The following HTT-AS variants were observed in gnomAD, a reference collection of about 807,000 sequenced individuals.
HTT-AS encodes the protein HTT antisense RNA (head to head).
chr4:3,058,090 G>C (rs1480195430), intron 2 of HTT-AS, among the ~76,000 whole-genome samples: 2 of 151,856 alleles, frequency 1.3e-5, no homozygotes, highest in Non-Finnish European at 2.9e-5. Context: ...ACTTTGGGAG[G>C]CCAAGGCGGG....
intron 2 of HTT-AS, among the ~76,000 whole-genome samples, chr4:3,056,970 T>C (rs1711813744): frequency 6.6e-6 from 1 of 152,180 alleles, no homozygotes; most frequent in Admixed American, 6.5e-5. Context: ...TTTATGAATT[T>C]GACTACTCTA....
At chr4:3,062,845 CA>C (rs1182462940) in exon 2 of HTT-AS, among the ~76,000 whole-genome samples, 2 of 152,066 alleles carry the variant, frequency 1.3e-5, no homozygotes, top group South Asian at 4.2e-4. Flanking sequence ...ACTTGAGGGC[CA>C]AGCAGCATTG....
At chr4:3,053,916 T>A (rs575012252) in intron 2 of HTT-AS, among the ~76,000 whole-genome samples, 2 of 151,990 alleles carry the variant, frequency 1.3e-5, no homozygotes, top group Non-Finnish European at 1.5e-5. Context: ...TATGCCACCA[T>A]GCCCAGCTAA....
intron 2 of HTT-AS, among the ~76,000 whole-genome samples, chr4:3,057,729 G>C (rs1454793755): frequency 6.6e-6 from 1 of 151,890 alleles, no homozygotes; most frequent in African/African-American, 2.4e-5. Flanking sequence ...CGCCTCCCGG[G>C]TTCATGCCAT....
chr4:3,051,030 TTG>T (rs59615689), intron 2 of HTT-AS, among the ~76,000 whole-genome samples: 17,215 of 122,146 alleles, frequency 0.14, 985 homozygotes, highest in Middle Eastern at 0.2. Flanking sequence ...CCCTTACAAT[TTG>T]TGTGTGTGTG....
chr4:3,048,686 C>T (rs1013020576), downstream of HTT-AS, among the ~76,000 whole-genome samples: 12 of 152,160 alleles, frequency 7.9e-5, no homozygotes, highest in African/African-American at 2.9e-4. Flanking sequence ...TCTGTTTAGT[C>T]AATTCTATTA....
chr4:3,049,955 CTTT>C (rs59444704), intron 2 of HTT-AS, among the ~76,000 whole-genome samples: 5 of 130,322 alleles, frequency 3.8e-5, no homozygotes, highest in Non-Finnish European at 6.4e-5. Flanking sequence ...CACATATACA[CTTT>C]TTTTTTTTTG....
At chr4:3,059,527 C>G (rs977102088) in intron 2 of HTT-AS, among the ~76,000 whole-genome samples, 3 of 152,110 alleles carry the variant, frequency 2.0e-5, no homozygotes, top group Admixed American at 2.0e-4. Context: ...TTTCAGTATT[C>G]CAATATTTGG....
chr4:3,061,974 T>C (rs1711934383), intron 2 of HTT-AS, among the ~76,000 whole-genome samples: 1 of 114,808 alleles, frequency 8.7e-6, no homozygotes, highest in African/African-American at 3.5e-5. Flanking sequence ...AGGGCAAGAC[T>C]CTATCTCAAA....
Position 3,062,421 on chromosome 4 carries a change from CT to C in HTT-AS, n.1380+12del, listed in dbSNP as rs773572020. ...CTCATCCCCTGCACCCTCCCTTCCC[CT>C]GGAGTACTCACCTGGCCTTGGAGGT... is the stretch of plus-strand genomic sequence containing the variant. On this transcript the variant is annotated intron_variant and non_coding_transcript_variant, in intron 2 of 2. Transcript: ENST00000664062. Among the ~76,000 whole-genome samples the C allele has an allele frequency of 7.8e-4, 119 of 152,284 alleles. 2 individuals are homozygous for C. Among genetic ancestry groups the C allele is most frequent in the Non-Finnish European group, 2.1e-4 (14 of 68,014 alleles).
intron 2 of HTT-AS, among the ~76,000 whole-genome samples, chr4:3,052,079 A>T (rs1711713600): frequency 6.6e-6 from 1 of 151,354 alleles, no homozygotes; most frequent in Admixed American, 6.6e-5. Context: ...ACTACTCTAG[A>T]CTCTTTCTGG....
At chr4:3,067,172 A>G (rs1247020508) in intron 1 of HTT-AS, among the ~76,000 whole-genome samples, 1 of 152,212 alleles carries the variant, frequency 6.6e-6, no homozygotes, top group Non-Finnish European at 1.5e-5. Flanking sequence ...AAGTCAGATG[A>G]CACTACCCAG....
At chr4:3,056,682 A>T (rs1263293618) in intron 2 of HTT-AS, among the ~76,000 whole-genome samples, 2 of 152,178 alleles carry the variant, frequency 1.3e-5, no homozygotes, top group African/African-American at 4.8e-5. Flanking sequence ...TTTCACCAAA[A>T]ATCAGGTTTT....
At chr4:3,059,617 T>G (rs1231360808) in intron 2 of HTT-AS, among the ~76,000 whole-genome samples, 1 of 151,946 alleles carries the variant, frequency 6.6e-6, no homozygotes, top group African/African-American at 2.4e-5. Flanking sequence ...TGAGACAGAG[T>G]CTCGCTCCGT....
At chr4:3,065,245 C>CT (rs547699007) in intron 1 of HTT-AS, among the ~76,000 whole-genome samples, 148 of 137,990 alleles carry the variant, frequency 1.1e-3, no homozygotes, top group Middle Eastern at 3.7e-3. Context: ...TTTCTTTCTT[C>CT]TTTTTTTTTT....
chr4:3,069,452 G>A (rs780500307), intron 1 of HTT-AS, among the ~76,000 whole-genome samples: 29 of 151,838 alleles, frequency 1.9e-4, no homozygotes, highest in Non-Finnish European at 2.4e-4. Flanking sequence ...CATCGCGCCC[G>A]GCCAACAGTG....
intron 1 of HTT-AS, among the ~76,000 whole-genome samples, chr4:3,065,312 C>T (rs552623111): frequency 6.6e-6 from 1 of 151,684 alleles, no homozygotes; most frequent in South Asian, 2.1e-4. Context: ...AATGTTGGCT[C>T]ACTGCACGCC....
chr4:3,067,205 G>C (rs1301757492), intron 1 of HTT-AS, among the ~76,000 whole-genome samples: 1 of 152,178 alleles, frequency 6.6e-6, no homozygotes, highest in Non-Finnish European at 1.5e-5. Context: ...AGAGGCCAAG[G>C]AATGGAAAAT....
intron 2 of HTT-AS, among the ~76,000 whole-genome samples, chr4:3,053,820 G>A (rs546460783): frequency 4.0e-4 from 59 of 149,202 alleles, no homozygotes; most frequent in African/African-American, 1.0e-3. Flanking sequence ...GTCCAATGGC[G>A]TGATCTAGGC....
Sources: gnomAD v4.1 joint callset for allele counts (sites outside exome capture counted in the v4.1 genomes callset) on GRCh38, gnomAD v4.1.1 for gene constraint, MANE v1.5 for transcripts, NCBI Gene and HGNC (gene_info 2026-07-23, HGNC 2026-07-21) for gene names.